IL18RAP: variants seen among roughly 807,000 people sequenced by gnomAD.
IL18RAP encodes interleukin 18 receptor accessory protein.
IL18RAP carries 37 observed loss-of-function variants against 58.1 expected under a neutral mutation model. That is an observed-to-expected ratio of 0.64 (90% CI 0.49 to 0.84). The LOEUF (loss-of-function observed/expected upper bound fraction) is 0.84. Ranked by LOEUF, IL18RAP falls within the 40% of genes least tolerant of loss-of-function variation. The pLI is 0.00. For missense variants in IL18RAP, 667 were observed against 704.8 expected (o/e 0.95, Z 0.61); for synonymous variants, 268 against 257.5 (o/e 1.04, Z -0.39).
chr2:102,423,475 TGA>T (rs1249922435), intron 1 of IL18RAP, 128 bp downstream of exon 1: 1 of 829,954 alleles, frequency 1.2e-6, no homozygotes, highest in Non-Finnish European at 2.0e-6. Flanking sequence ...AAAAGGGGAC[TGA>T]GAGGAGAATT....
At chr2:102,437,855 T>C (rs1372789638) in intron 4 of IL18RAP, among the ~76,000 whole-genome samples, 1 of 152,240 alleles carries the variant, frequency 6.6e-6, no homozygotes, top group Admixed American at 6.5e-5. Context: ...ATGCTTTTTC[T>C]ACATATGTAT....
intron 1 of IL18RAP, 117 bp downstream of exon 1, chr2:102,423,464 T>C (rs1681708752): frequency 1.1e-6 from 1 of 924,140 alleles, no homozygotes; most frequent in Non-Finnish European, 1.8e-6. Flanking sequence ...ATCCTACTAT[T>C]AAAAGGGGAC....
At chr2:102,440,833 G>A (rs1004654660) in intron 4 of IL18RAP, among the ~76,000 whole-genome samples, 28 of 152,320 alleles carry the variant, frequency 1.8e-4, no homozygotes, top group African/African-American at 5.5e-4. Context: ...GTGGCAAGAA[G>A]TTGATGGATA....
chr2:102,446,612 AC>A (rs1275846189), intron 7 of IL18RAP, among the ~76,000 whole-genome samples: 1 of 152,102 alleles, frequency 6.6e-6, no homozygotes, highest in Non-Finnish European at 1.5e-5. Flanking sequence ...ATCCTGGCTA[AC>A]AAGGTGAAGC....
chr2:102,423,384 C>G, intron 1 of IL18RAP, 37 bp downstream of exon 1: 2 of 1,549,444 alleles, frequency 1.3e-6, no homozygotes, highest in Non-Finnish European at 1.8e-6. Context: ...CACTGTGAGT[C>G]TGTGGTCAAG....
intron 4 of IL18RAP, 61 bp from the exon 5 acceptor site, chr2:102,441,251 T>C: frequency 7.6e-7 from 1 of 1,309,510 alleles, no homozygotes; most frequent in South Asian, 1.2e-5. Context: ...CACCTAAATC[T>C]TCATCAAGCA....
At chr2:102,438,494 T>C (rs1443167904) in intron 4 of IL18RAP, among the ~76,000 whole-genome samples, 1 of 152,194 alleles carries the variant, frequency 6.6e-6, no homozygotes, top group Admixed American at 6.5e-5. Flanking sequence ...TTAGATTGCT[T>C]CTTGAAAGAG....
chr2:102,434,240 A>G (rs921457615), intron 3 of IL18RAP: 2 of 152,160 alleles, frequency 1.3e-5, no homozygotes, highest in African/African-American at 4.8e-5. Context: ...CCACAGCCCC[A>G]CTATTGTTTT....
chr2:102,431,588 T>C (rs1682363821), intron 3 of IL18RAP, among the ~76,000 whole-genome samples: 1 of 152,124 alleles, frequency 6.6e-6, no homozygotes, highest in African/African-American at 2.4e-5. Context: ...ATAAGCCTTT[T>C]CATTCTTTTT....
chr2:102,450,161 G>A (rs1242860839), intron 8 of IL18RAP, among the ~76,000 whole-genome samples: 1 of 356 alleles, frequency 2.8e-3, no homozygotes, highest in East Asian at 0.05. Context: ...TTCTTCCAGT[G>A]AGTTCCTTAG....
intron 3 of IL18RAP, among the ~76,000 whole-genome samples, chr2:102,430,434 A>G (rs1331297029): frequency 1.3e-5 from 2 of 151,866 alleles, no homozygotes; most frequent in Non-Finnish European, 2.9e-5. Flanking sequence ...TTTCCCTTCT[A>G]GTCTATATGT....
rs576463216 is a variant in IL18RAP, at chr2:102,444,392, A to G, written c.921-797A>G. Among the ~76,000 whole-genome samples the G allele has an allele frequency of 2.6e-4, 39 of 152,296 alleles. 1 individual carries two copies. The Middle Eastern group carries it at 0.017, about 66-fold the overall frequency. On this transcript the variant is annotated intron_variant, in intron 6 of 9. Transcript: ENST00000687160. ...GTCAACATGACCCTTAGCCCCGGTG[A>G]GCCTCCATCACCCATTGATAATCTA... is the stretch of plus-strand genomic sequence containing the variant.
rs1683819224 is a variant in IL18RAP, at chr2:102,452,236, C to G, written c.*55C>G. ...TCCCTGGGATAGAGATGTTGCTGGA[C>G]AGAACTCACAGCTCTGTGTGTGTGT... is the stretch of plus-strand genomic sequence containing the variant. On this transcript the variant is annotated 3_prime_UTR_variant, in exon 10 of 10. Coordinates refer to ENST00000687160, the MANE Select transcript of IL18RAP (RefSeq NM_001393487.1). The G allele has an allele frequency of 4.8e-6, 7 of 1,462,508 alleles. No homozygotes were observed. The South Asian group carries it at 9.4e-5, about 20-fold the overall frequency. 90.6% of individuals were successfully genotyped at this position (1,462,508 alleles called of 1,614,324 possible).
Position 102,452,327 on chromosome 2 carries a change from G to A in IL18RAP, c.*146G>A, listed in dbSNP as rs7559479. 548,318 of 735,698 alleles carry A rather than the reference G, an allele frequency of 0.75. 208,018 individuals carry two copies. The highest frequency in any genetic ancestry group is 0.9 in the African/African-American group (50,960 of 56,446). 45.6% of individuals were successfully genotyped at this position (735,698 alleles called of 1,614,324 possible). ...CCAAGCAAGCTTGATGGACAATGGA[G>A]TGGGATTGAGACTGTGGTTTAGAGC... is the stretch of plus-strand genomic sequence containing the variant. On this transcript the variant is annotated 3_prime_UTR_variant, in exon 10 of 10. Transcript: ENST00000687160.
At chr2:102,434,643 G>C (rs775720723) in intron 3 of IL18RAP, 1 of 152,036 alleles carries the variant, frequency 6.6e-6, no homozygotes, top group Non-Finnish European at 1.5e-5. Flanking sequence ...ACAACGCAAG[G>C]GTGTTGCTTA....
chr2:102,451,114 A>G (rs1683737805), intron 9 of IL18RAP, 93 bp downstream of exon 9: 1 of 996,828 alleles, frequency 1.0e-6, no homozygotes. Flanking sequence ...TTTGGAATAT[A>G]GATCTGGGAG....
In IL18RAP at chr2:102,451,020, A is replaced by C. The variant is rs752384885; in HGVS notation, c.1383A>C (p.Gly461=). Residue 461 remains glycine (G), a splice_region_variant and synonymous_variant, in exon 9 of 10, where the codon GGA becomes GGC. Transcript: ENST00000687160. ...TTGAAAGAGATGTGGCTCCAGGAGG[A>C]GGTAAGTCCAACATGTCAAGAAAAA... ...CLLERDVAPG[G]VYAEDIVSII... The C allele has an allele frequency of 1.9e-6, 3 of 1,585,168 alleles. No individual in the cohort carries two copies. The Admixed American group carries it at 5.5e-5, about 29-fold the overall frequency.
rs751105813 is a variant in IL18RAP at position 102,443,299 on chromosome 2, A to G, written c.896A>G (p.Glu299Gly). 3.1e-6 allele frequency: 5 copies of G among 1,613,454 alleles called. No homozygotes were observed. Among genetic ancestry groups the G allele is most frequent in the Admixed American group, 1.7e-5 (1 of 59,838 alleles). ...WYIKDSDLEW[E>G]VSVPEAKSIK... ...ATCAAAGATTCTGACCTAGAGTGGG[A>G]AGTCTCAGTACCTGAGGCGAAAAGG... is the stretch of plus-strand genomic sequence containing the variant. Residue 299 changes from glutamate (E) to glycine (G), a missense_variant, in exon 6 of 10, where the codon GAA becomes GGA. By Grantham distance (98) the Glu-to-Gly change is moderately conservative. Transcript: ENST00000687160.
intron 4 of IL18RAP, 83 bp downstream of exon 4, chr2:102,437,445 T>C: frequency 7.2e-7 from 1 of 1,386,824 alleles, no homozygotes; most frequent in Non-Finnish European, 9.9e-7. Flanking sequence ...GTTTTTCCTC[T>C]TAGGGAAAGA....
Sources: gnomAD v4.1 joint callset for allele counts (sites outside exome capture counted in the v4.1 genomes callset) on GRCh38, gnomAD v4.1.1 for gene constraint, MANE v1.5 for transcripts, NCBI Gene and HGNC (gene_info 2026-07-23, HGNC 2026-07-21) for gene names.